The following STK38L variants were observed in gnomAD, a reference collection of about 807,000 sequenced individuals.
The protein encoded by STK38L is serine/threonine-protein kinase 38-like.
Under a neutral mutation model 59.7 loss-of-function variants are expected in STK38L, and 28 were observed. That is an observed-to-expected ratio of 0.47 (90% CI 0.35 to 0.64). The LOEUF is 0.64. Among genes scored for constraint, STK38L ranks in the 30% least tolerant of loss-of-function variants. STK38L has a pLI of 0.01. For missense variants in STK38L, 314 were observed against 555.8 expected (o/e 0.56, Z 4.37); for synonymous variants, 162 against 176.8 (o/e 0.92, Z 0.66).
intron 2 of STK38L, among the ~76,000 whole-genome samples, chr12:27,300,028 T>C (rs1272510907): frequency 6.6e-6 from 1 of 152,268 alleles, no homozygotes; most frequent in East Asian, 1.9e-4. Context: ...TTAAAAAAAT[T>C]CATCAGAATT....
At chr12:27,272,022 C>T (rs1379313318) in intron 1 of STK38L, among the ~76,000 whole-genome samples, 1 of 152,132 alleles carries the variant, frequency 6.6e-6, no homozygotes, top group African/African-American at 2.4e-5. Context: ...AAATATTTTC[C>T]TCCTGTGAAT....
rs1247184826 is a variant in STK38L, at chr12:27,322,187, A to C, written c.1220A>C (p.Asp407Ala). 1.2e-6 allele frequency: 2 copies of C among 1,613,986 alleles called. No homozygotes were observed. The highest frequency in any genetic ancestry group is 1.7e-6 in the Non-Finnish European group (2 of 1,179,940). Residue 407 changes from aspartate (D) to alanine (A), a missense_variant, in exon 13 of 14, where the codon GAT becomes GCT. Asp to Ala is a moderately radical substitution (Grantham distance 126, BLOSUM62 -2). This residue lies in a region of STK38L where 94 missense variants were observed against 142.2 expected (regional missense o/e 0.66). Coordinates refer to ENST00000389032, the MANE Select transcript of STK38L (RefSeq NM_015000.4). ...AIPIEIKSID[D>A]TSNFDDFPES... ...CCTATAGAAATCAAAAGCATTGATG[A>C]TACTTCAAATTTTGATGACTTCCCT...
chr12:27,308,529 A>G lies in STK38L; in HGVS notation c.309+68A>G. ...CTTAAGATAATTTAAAATATGTGTT[A>G]AAATATAATTCCTGGCTGGGTGCGG... On this transcript the variant is annotated intron_variant, in intron 4 of 13. Transcript: ENST00000389032. This position sits in a 1 kb window ranked among gnomAD's most constrained non-coding sequence, Gnocchi z 4.5. 1 of 1,378,950 alleles carries G rather than the reference A, an allele frequency of 7.3e-7. No individual in the cohort carries two copies. The highest frequency in any genetic ancestry group is 9.5e-7 in the Non-Finnish European group (1 of 1,050,902). The allele number at this position is 1,378,950 out of a possible 1,614,324, so 85.4% of individuals were successfully genotyped here.
intron 1 of STK38L, among the ~76,000 whole-genome samples, chr12:27,257,027 T>A (rs1943104944): frequency 6.6e-6 from 1 of 152,254 alleles, no homozygotes; most frequent in Non-Finnish European, 1.5e-5. Flanking sequence ...GGTCGTTAGC[T>A]ATGAACATTT....
chr12:27,264,754 C>G (rs895643053), intron 1 of STK38L, among the ~76,000 whole-genome samples: 1 of 152,082 alleles, frequency 6.6e-6, no homozygotes, highest in Non-Finnish European at 1.5e-5. Context: ...TATTTTATAC[C>G]AGTAACTTGA....
At chr12:27,266,385 G>C (rs953848081) in intron 1 of STK38L, among the ~76,000 whole-genome samples, 1 of 152,118 alleles carries the variant, frequency 6.6e-6, no homozygotes, top group Non-Finnish European at 1.5e-5. Context: ...TTAATGGAGC[G>C]ATCCAATTTG....
At chr12:27,272,246 A>G (rs1258379847) in intron 1 of STK38L, among the ~76,000 whole-genome samples, 1 of 152,214 alleles carries the variant, frequency 6.6e-6, no homozygotes, top group East Asian at 1.9e-4. Flanking sequence ...AAAAAGAATG[A>G]GACATTATAG....
chr12:27,245,319 T>TGGA (rs1252462178), intron 1 of STK38L, among the ~76,000 whole-genome samples: 1 of 152,212 alleles, frequency 6.6e-6, no homozygotes, highest in African/African-American at 2.4e-5. Context: ...TAATCGGAAA[T>TGGA]GGCCTATTAG....
rs1943280384 is a variant in STK38L at position 27,265,299 on chromosome 12, C to A, written c.-12+20967C>A. Among the ~76,000 whole-genome samples the A allele has an allele frequency of 2.0e-5, 3 of 152,074 alleles. No homozygotes were observed. In the South Asian group the frequency reaches 6.2e-4, roughly 32 times the overall value. ...GTATGTGTGTGTATAGGATCGTGCA[C>A]TATATATAGCTTGCTTCTTTTTCCA... On this transcript the variant is annotated intron_variant, in intron 1 of 13. Transcript: ENST00000389032.
intron 3 of STK38L, among the ~76,000 whole-genome samples, chr12:27,307,032 C>T (rs1039996392): frequency 2.0e-5 from 3 of 152,046 alleles, no homozygotes; most frequent in Non-Finnish European, 4.4e-5. Context: ...CCCGGCTTAT[C>T]GCCTCACTTC....
intron 1 of STK38L, among the ~76,000 whole-genome samples, chr12:27,256,363 C>G (rs941977095): frequency 2.6e-5 from 4 of 152,176 alleles, no homozygotes; most frequent in Non-Finnish European, 5.9e-5. Flanking sequence ...CCCTACTCAC[C>G]TCTCCAACCA....
chr12:27,320,137 C>T (rs1290845936), intron 12 of STK38L, among the ~76,000 whole-genome samples: 1 of 152,194 alleles, frequency 6.6e-6, no homozygotes, highest in Admixed American at 6.5e-5. Flanking sequence ...CTGAAATGCC[C>T]TCTCCCTGCT....
At chr12:27,267,303 C>G (rs12397502) in intron 1 of STK38L, among the ~76,000 whole-genome samples, 1 of 152,002 alleles carries the variant, frequency 6.6e-6, no homozygotes, top group African/African-American at 2.4e-5. Context: ...AGAACTTGGC[C>G]GGGCATGGTG....
At chr12:27,248,706 G>A (rs906341168) in intron 1 of STK38L, among the ~76,000 whole-genome samples, 3 of 152,170 alleles carry the variant, frequency 2.0e-5, no homozygotes, top group Admixed American at 6.5e-5. Context: ...ACTCAATGGG[G>A]TAGGTTCTAG....
intron 12 of STK38L, 24 bp downstream of exon 12, chr12:27,319,447 G>T (rs1345909277): frequency 6.4e-7 from 1 of 1,571,598 alleles, no homozygotes; most frequent in South Asian, 1.1e-5. Flanking sequence ...CTTTGAATGG[G>T]AAAGGTCTGA....
At chr12:27,316,636 A>G (rs753201949) in intron 9 of STK38L, among the ~76,000 whole-genome samples, 4 of 152,130 alleles carry the variant, frequency 2.6e-5, no homozygotes, top group Non-Finnish European at 5.9e-5. Context: ...CAAGAGTACT[A>G]CCCCTGGTTG....
chr12:27,249,732 T>G (rs1311789922), intron 1 of STK38L, among the ~76,000 whole-genome samples: 2 of 152,214 alleles, frequency 1.3e-5, no homozygotes, highest in African/African-American at 4.8e-5. Flanking sequence ...CTCTGGCCAT[T>G]TATACAGAAG....
intron 1 of STK38L, among the ~76,000 whole-genome samples, chr12:27,262,704 C>G (rs12321839): frequency 0.031 from 1,683 of 53,520 alleles, 34 homozygotes; most frequent in African/African-American, 0.091. Context: ...GACTCTATCT[C>G]TAATTAAAAA....
intron 5 of STK38L, among the ~76,000 whole-genome samples, chr12:27,309,514 C>G (rs1944407863): frequency 6.6e-6 from 1 of 152,192 alleles, no homozygotes; most frequent in South Asian, 2.1e-4. Flanking sequence ...GGTGAGGCCT[C>G]TCTTCCTGGC....
Sources: gnomAD v4.1 joint callset for allele counts (sites outside exome capture counted in the v4.1 genomes callset) on GRCh38, gnomAD v4.1.1 for gene constraint, gnomAD v4.1.1 regional missense constraint, Gnocchi (gnomAD v3.1) non-coding constraint, MANE v1.5 for transcripts, NCBI Gene and HGNC (gene_info 2026-07-23, HGNC 2026-07-21) for gene names.